CCT3: variants seen among roughly 807,000 people sequenced by gnomAD.
CCT3 encodes the protein chaperonin containing TCP1 subunit 3, also known as T-complex protein 1 subunit gamma.
In CCT3, 10 loss-of-function variants were observed where a neutral mutation model predicts 65.3. The ratio of observed to expected loss-of-function variants is 0.15; its 90% CI spans 0.09 to 0.26. CCT3 has a LOEUF of 0.26. CCT3 is among the 10% of genes least tolerant of loss of function. The pLI is 1.00. For missense variants in CCT3, 626 were observed against 708.7 expected, an observed-to-expected ratio of 0.88 and a Z score of 1.33; for synonymous variants, 225 against 242.3, an observed-to-expected ratio of 0.93 and a Z score of 0.66.
At chr1:156,333,329 G>T in intron 5 of CCT3, 1 of 470,006 alleles carries the variant, frequency 2.1e-6, no homozygotes, top group Non-Finnish European at 3.8e-6. Flanking sequence ...AACTTACAGT[G>T]AATAAAGAGA....
In CCT3 at chr1:156,320,970, T is replaced by C. The variant is rs766737841; in HGVS notation, c.478A>G (p.Ile160Val). ...DMMLNIINSS[I>V]TTKAISRWSS... ...CACCGACTGATGGCTTTGGTAGTAA[T>C]AGAGCTGTTGATGATGTTCAGCATC... Residue 160 changes from isoleucine to valine, a missense_variant, in exon 7 of 14, where the codon ATT becomes GTT. Transcript: ENST00000295688. 8 of 1,614,130 alleles carry C rather than the reference T, an allele frequency of 5.0e-6. 1 individual carries two copies. In the South Asian group the frequency reaches 5.5e-5, roughly 11 times the overall value.
intron 5 of CCT3, among the ~76,000 whole-genome samples, chr1:156,331,154 C>T (rs1665081792): frequency 6.6e-6 from 1 of 151,814 alleles, no homozygotes; most frequent in African/African-American, 2.4e-5. Flanking sequence ...ATCGCTTGAA[C>T]CCGGGATCAG....
At chr1:156,318,224 ATTTT>A (rs58622068) in intron 8 of CCT3, among the ~76,000 whole-genome samples, 3 of 130,556 alleles carry the variant, frequency 2.3e-5, no homozygotes, top group Non-Finnish European at 3.2e-5. Flanking sequence ...GCCCTCTAGA[ATTTT>A]TTTTTTTTTT....
intron 8 of CCT3, among the ~76,000 whole-genome samples, chr1:156,318,285 G>A (rs1238988371): frequency 6.7e-6 from 1 of 148,510 alleles, no homozygotes; most frequent in East Asian, 2.0e-4. Flanking sequence ...GTTCAGTGGC[G>A]TGATCACAGC....
At chr1:156,315,736 C>T (rs1207267425) in intron 10 of CCT3, among the ~76,000 whole-genome samples, 1 of 152,094 alleles carries the variant, frequency 6.6e-6, no homozygotes, top group Non-Finnish European at 1.5e-5. Flanking sequence ...CAACTGTACA[C>T]TTAAGGCAAC....
chr1:156,319,993 T>A (rs1664484173), intron 7 of CCT3, among the ~76,000 whole-genome samples: 1 of 152,162 alleles, frequency 6.6e-6, no homozygotes, highest in Non-Finnish European at 1.5e-5. Flanking sequence ...CTCATAAACC[T>A]TGTGTAGGGA....
intron 2 of CCT3, 101 bp downstream of exon 2, chr1:156,335,726 C>A: frequency 1.1e-6 from 1 of 895,576 alleles, no homozygotes; most frequent in South Asian, 1.6e-5. Flanking sequence ...GCCTATTTGC[C>A]TACTCTATAA....
chr1:156,331,019 G>A (rs942311331), intron 5 of CCT3, among the ~76,000 whole-genome samples: 2 of 151,092 alleles, frequency 1.3e-5, no homozygotes, highest in Non-Finnish European at 3.0e-5. Context: ...GGATCATGAG[G>A]TCAGGAGTTC....
At chr1:156,328,694 T>G (rs1327430655) in intron 5 of CCT3, among the ~76,000 whole-genome samples, 1 of 151,832 alleles carries the variant, frequency 6.6e-6, no homozygotes, top group Non-Finnish European at 1.5e-5. Flanking sequence ...TCCCTAATCT[T>G]AAGTACCCAG....
chr1:156,331,545 T>C (rs1665096062), intron 5 of CCT3, among the ~76,000 whole-genome samples: 1 of 151,592 alleles, frequency 6.6e-6, no homozygotes, highest in East Asian at 2.0e-4. Flanking sequence ...CAGCCAGGCG[T>C]GGTGGCGCAT....
intron 1 of CCT3, chr1:156,337,469 T>C (rs1014317271): frequency 5.8e-6 from 1 of 172,034 alleles, no homozygotes; most frequent in African/African-American, 2.4e-5. Flanking sequence ...AGTCGAGAAA[T>C]CTGGGAAAAC....
At chr1:156,332,994 A>T (rs181841893) in intron 5 of CCT3, 88 of 160,086 alleles carry the variant, frequency 5.5e-4, no homozygotes, top group African/African-American at 1.4e-3. Context: ...TTATTTGCCA[A>T]TTCAGTGTTT....
intron 7 of CCT3, among the ~76,000 whole-genome samples, chr1:156,319,821 T>C (rs1664475023): frequency 6.6e-6 from 1 of 152,186 alleles, no homozygotes; most frequent in Non-Finnish European, 1.5e-5. Context: ...TACTAAACTT[T>C]TGGATCTTAA....
At chr1:156,319,774 T>G (rs540597368) in intron 7 of CCT3, among the ~76,000 whole-genome samples, 10 of 152,314 alleles carry the variant, frequency 6.6e-5, no homozygotes, top group African/African-American at 1.9e-4. Flanking sequence ...CAGAGAATTT[T>G]AGGCTTGGGG....
chr1:156,322,156 T>C (rs1664583462), intron 6 of CCT3, among the ~76,000 whole-genome samples: 1 of 152,154 alleles, frequency 6.6e-6, no homozygotes, highest in Admixed American at 6.5e-5. Flanking sequence ...CAGGATTGCT[T>C]GAGCCCAGGA....
intron 6 of CCT3, among the ~76,000 whole-genome samples, chr1:156,323,338 A>G (rs1054317565): frequency 6.6e-6 from 1 of 151,940 alleles, no homozygotes; most frequent in Non-Finnish European, 1.5e-5. Flanking sequence ...AGCAGGCAGT[A>G]TAATATAAAC....
chr1:156,322,994 T>C (rs1253318109), intron 6 of CCT3, among the ~76,000 whole-genome samples: 1 of 151,844 alleles, frequency 6.6e-6, no homozygotes, highest in Non-Finnish European at 1.5e-5. Flanking sequence ...AAGATATTAA[T>C]GTACAACTTG....
chr1:156,317,651 T>G (rs189990771), intron 8 of CCT3, 104 bp from the exon 9 acceptor site: 5 of 1,114,732 alleles, frequency 4.5e-6, no homozygotes, highest in Non-Finnish European at 6.4e-6. Context: ...TATCTCAGAG[T>G]CAGAATTATG....
chr1:156,330,013 G>A (rs1020416469), intron 5 of CCT3, among the ~76,000 whole-genome samples: 1 of 151,610 alleles, frequency 6.6e-6, no homozygotes, highest in Non-Finnish European at 1.5e-5. Context: ...TATTAGAACT[G>A]TAACAGAAGA....
Sources: gnomAD v4.1 joint callset for allele counts (sites outside exome capture counted in the v4.1 genomes callset) on GRCh38, gnomAD v4.1.1 for gene constraint, MANE v1.5 for transcripts, NCBI Gene and HGNC (gene_info 2026-07-23, HGNC 2026-07-21) for gene names.